The following DLGAP1 variants were observed in gnomAD, a reference collection of about 807,000 sequenced individuals.
DLGAP1 encodes the protein disks large-associated protein 1.
A neutral mutation model predicts 90.8 loss-of-function variants in DLGAP1; 11 were observed. The observed-to-expected ratio is 0.12, with a 90% CI of 0.08 to 0.20. The LOEUF is 0.20. DLGAP1 is among the 10% of genes least tolerant of loss of function. The pLI, the probability that DLGAP1 is intolerant of heterozygous loss-of-function variation, is 1.00. For missense variants in DLGAP1, 1,050 were observed against 1,333.8 expected, an observed-to-expected ratio of 0.79 and a Z score of 3.31; for synonymous variants, 558 against 540.7, an observed-to-expected ratio of 1.03 and a Z score of -0.44.
chr18:3,678,216 C>A (rs932417400), intron 7 of DLGAP1, among the ~76,000 whole-genome samples: 1 of 152,204 alleles, frequency 6.6e-6, no homozygotes, highest in African/African-American at 2.4e-5. Flanking sequence ...CCTGCCTTAG[C>A]CTCCCAAAGT....
At chr18:4,339,624 T>C (rs1282306191) in intron 1 of DLGAP1, among the ~76,000 whole-genome samples, 1 of 152,216 alleles carries the variant, frequency 6.6e-6, no homozygotes, top group South Asian at 2.1e-4. Flanking sequence ...ATAATTTTAA[T>C]TGACCTCATC....
chr18:3,517,809 C>G lies in DLGAP1; in HGVS notation c.2480-9148G>C, dbSNP rs955700836. ...TCCAGCCTGGGCAACAAGAGAGAAA[C>G]TCTGTCTCGGAAAAAAAAAAAAAAG... On this transcript the variant is annotated intron_variant, in intron 10 of 12. Coordinates refer to ENST00000315677, the MANE Select transcript of DLGAP1 (RefSeq NM_004746.4). The surrounding 1 kb of genome is among the most constrained non-coding windows in gnomAD (Gnocchi z 4.1). 5.5e-5 allele frequency among the ~76,000 whole-genome samples: 7 copies of G among 127,478 alleles called. No homozygotes were observed. The highest frequency in any genetic ancestry group is 8.2e-5 in the Non-Finnish European group (5 of 60,754). 83.6% of individuals were successfully genotyped at this position (127,478 alleles called of 152,430 possible). A position where few individuals can be genotyped will look rare whatever the true frequency, so the allele number is the denominator to read the frequency against.
At chr18:4,091,653 T>A (rs1189864575) in intron 2 of DLGAP1, among the ~76,000 whole-genome samples, 1 of 152,250 alleles carries the variant, frequency 6.6e-6, no homozygotes, top group Admixed American at 6.5e-5. Flanking sequence ...ACTCTACTGA[T>A]AAGCCCATCA....
rs368521681 is a variant in DLGAP1 at position 4,305,465 on chromosome 18, T to C, written c.-267+149541A>G. Among the ~76,000 whole-genome samples the C allele has an allele frequency of 3.0e-3, 364 of 120,746 alleles. 9 individuals are homozygous for C. The East Asian group carries it at 0.061, about 20-fold the overall frequency. The allele number at this position is 120,746 out of a possible 152,430, so 79.2% of individuals were successfully genotyped here. On this transcript the variant is annotated intron_variant, in intron 1 of 12. Transcript: ENST00000315677. ...AGGAGAATTGCTTGAACCTGGGAGG[T>C]GGAGGCTGCAGTGAGCCGAGATCGT...
intron 3 of DLGAP1, among the ~76,000 whole-genome samples, chr18:3,912,671 G>C (rs147987744): frequency 2.0e-5 from 3 of 152,150 alleles, no homozygotes; most frequent in African/African-American, 7.2e-5. Context: ...TGATAGGGGC[G>C]TGCCTCTGAT....
chr18:4,442,136 C>A (rs989045125), intron 1 of DLGAP1, among the ~76,000 whole-genome samples: 2 of 151,996 alleles, frequency 1.3e-5, no homozygotes, highest in Non-Finnish European at 1.5e-5. Flanking sequence ...GGATTACAGG[C>A]GCACGCCACC....
In DLGAP1 at chr18:4,194,854, T is replaced by C. The variant is rs1003418853; in HGVS notation, c.-266-43567A>G. 2.6e-5 allele frequency among the ~76,000 whole-genome samples: 4 copies of C among 152,334 alleles called. No homozygotes were observed. The East Asian group carries it at 7.7e-4, about 29-fold the overall frequency. ...GACACAAAGTCACGGTTTTGATATATGTATACAACGTGGAATGATTAAATC... is the reference window on the plus strand; with the variant it reads ...GACACAAAGTCACGGTTTTGATATACGTATACAACGTGGAATGATTAAATC... On this transcript the variant is annotated intron_variant, in intron 1 of 12. Transcript: ENST00000315677.
At chr18:4,278,535 A>G (rs776065640) in intron 1 of DLGAP1, among the ~76,000 whole-genome samples, 1 of 152,156 alleles carries the variant, frequency 6.6e-6, no homozygotes, top group Non-Finnish European at 1.5e-5. Flanking sequence ...ATCAGGCAGT[A>G]TCTGACTTTC....
At chr18:3,939,589 A>T (rs2072725115) in intron 3 of DLGAP1, among the ~76,000 whole-genome samples, 1 of 152,200 alleles carries the variant, frequency 6.6e-6, no homozygotes, top group Non-Finnish European at 1.5e-5. Context: ...ATGACCATTA[A>T]ACCTCATGTA....
chr18:3,917,013 T>C (rs911055500), intron 3 of DLGAP1, among the ~76,000 whole-genome samples: 18 of 152,212 alleles, frequency 1.2e-4, no homozygotes, highest in Non-Finnish European at 2.4e-4. Flanking sequence ...TTTTCACTTT[T>C]GGTACAATAC....
chr18:4,229,089 C>T (rs1261066859), intron 1 of DLGAP1, among the ~76,000 whole-genome samples: 1 of 151,798 alleles, frequency 6.6e-6, no homozygotes, highest in Non-Finnish European at 1.5e-5. Context: ...CTGATAATTG[C>T]TACACATAAA....
intron 5 of DLGAP1, among the ~76,000 whole-genome samples, chr18:3,796,167 G>A (rs1463200104): frequency 1.4e-5 from 2 of 147,474 alleles, no homozygotes; most frequent in African/African-American, 5.0e-5. Flanking sequence ...CATAGAGAGA[G>A]AGAAATTAAT....
At chr18:4,012,366 C>T (rs978789392) in intron 2 of DLGAP1, among the ~76,000 whole-genome samples, 1 of 152,134 alleles carries the variant, frequency 6.6e-6, no homozygotes, top group South Asian at 2.1e-4. Context: ...CACCTGCCAT[C>T]CCCCCCTCTG....
chr18:3,741,827 G>A (rs926587034), intron 6 of DLGAP1, among the ~76,000 whole-genome samples: 21 of 148,066 alleles, frequency 1.4e-4, no homozygotes, highest in Admixed American at 2.1e-4. Context: ...TTTAAAAGCC[G>A]AAGTTTTCTT....
chr18:4,080,093 A>G (rs1568384481), intron 2 of DLGAP1, among the ~76,000 whole-genome samples: 1 of 152,154 alleles, frequency 6.6e-6, no homozygotes, highest in Non-Finnish European at 1.5e-5. Flanking sequence ...CTAGTGAAAG[A>G]GCTATGTTCC....
At chr18:3,523,819 G>GC (rs2051419462) in intron 10 of DLGAP1, among the ~76,000 whole-genome samples, 1 of 149,168 alleles carries the variant, frequency 6.7e-6, no homozygotes, top group Non-Finnish European at 1.5e-5. Context: ...CTGCACTCCA[G>GC]CCTGGGCGAC....
chr18:3,719,097 G>A (rs1410191956), intron 7 of DLGAP1, among the ~76,000 whole-genome samples: 2 of 152,104 alleles, frequency 1.3e-5, no homozygotes, highest in Admixed American at 1.3e-4. Context: ...TCATGTATGT[G>A]TAGGAAATAT....
At chr18:4,145,134 G>T (rs1325196840) in intron 2 of DLGAP1, among the ~76,000 whole-genome samples, 1 of 152,084 alleles carries the variant, frequency 6.6e-6, no homozygotes, top group Non-Finnish European at 1.5e-5. Flanking sequence ...CCCACAATAT[G>T]TCTATATATT....
intron 1 of DLGAP1, among the ~76,000 whole-genome samples, chr18:4,303,766 T>C (rs1371944433): frequency 3.3e-5 from 5 of 152,216 alleles, no homozygotes; most frequent in Non-Finnish European, 7.3e-5. Context: ...CTGTGCCTAC[T>C]AGAGAAATGG....
Sources: gnomAD v4.1 joint callset for allele counts (sites outside exome capture counted in the v4.1 genomes callset) on GRCh38, gnomAD v4.1.1 for gene constraint, Gnocchi (gnomAD v3.1) non-coding constraint, MANE v1.5 for transcripts, NCBI Gene and HGNC (gene_info 2026-07-23, HGNC 2026-07-21) for gene names.